CSMD1: variants seen among roughly 807,000 people sequenced by gnomAD.
CSMD1 encodes the protein CUB and sushi domain-containing protein 1.
A neutral mutation model predicts 417.5 loss-of-function variants in CSMD1; 213 were observed. The ratio of observed to expected loss-of-function variants is 0.51; its 90% confidence interval spans 0.46 to 0.57. CSMD1 has a LOEUF of 0.57. Among genes scored for constraint, CSMD1 ranks in the 20% least tolerant of loss-of-function variants. CSMD1 has a pLI of 0.00. For synonymous variants in CSMD1, 2,862 were observed against 1,736.8 expected (o/e 1.65, Z -16.11); for missense variants, 6,923 against 4,529.7 (o/e 1.53, Z -15.17).
chr8:3,904,973 C>G (rs1427800958), intron 5 of CSMD1, among the ~76,000 whole-genome samples: 9 of 152,004 alleles, frequency 5.9e-5, no homozygotes, highest in Non-Finnish European at 1.3e-4. Flanking sequence ...CATTTAAGGT[C>G]AAAGAGGAAG....
intron 1 of CSMD1, among the ~76,000 whole-genome samples, chr8:4,896,296 C>T (rs183172126): frequency 2.0e-5 from 3 of 152,178 alleles, no homozygotes; most frequent in Admixed American, 1.3e-4. Context: ...AATTATGGGT[C>T]TCTTTACATT....
At chr8:4,926,816 A>G (rs1806901393) in intron 1 of CSMD1, among the ~76,000 whole-genome samples, 1 of 152,142 alleles carries the variant, frequency 6.6e-6, no homozygotes, top group South Asian at 2.1e-4. Context: ...TTGTGTTTGA[A>G]TATCTACCTA....
intron 5 of CSMD1, among the ~76,000 whole-genome samples, chr8:3,913,152 G>A (rs764807933): frequency 6.6e-6 from 1 of 152,146 alleles, no homozygotes; most frequent in Non-Finnish European, 1.5e-5. Context: ...AAGTATCCAT[G>A]TTACATCGAC....
intron 1 of CSMD1, among the ~76,000 whole-genome samples, chr8:4,857,487 T>C (rs1017738955): frequency 3.9e-5 from 6 of 152,118 alleles, no homozygotes; most frequent in Admixed American, 6.6e-5. Context: ...AGCTCGTTTT[T>C]TGAAAGGATC....
At chr8:4,698,535 G>T (rs553691142) in intron 1 of CSMD1, among the ~76,000 whole-genome samples, 2 of 151,788 alleles carry the variant, frequency 1.3e-5, no homozygotes, top group African/African-American at 4.8e-5. Context: ...CTACAGGGAA[G>T]TTTATTTTTG....
At chr8:4,466,607 A>C (rs773639479) in intron 2 of CSMD1, among the ~76,000 whole-genome samples, 2 of 152,234 alleles carry the variant, frequency 1.3e-5, no homozygotes, top group South Asian at 4.1e-4. Flanking sequence ...CTAAGAGTTC[A>C]TAAGCCAGTT....
At position 4,181,433 on chromosome 8, in the gene CSMD1, T is replaced by C. The variant is rs80199021; in HGVS notation, c.416-149334A>G. Among the ~76,000 whole-genome samples, 173 of 152,076 alleles carry C rather than the reference T, an allele frequency of 1.1e-3. 1 individual carries two copies. The highest frequency in any genetic ancestry group is 6.8e-3 in the Middle Eastern group (2 of 294). ...AATCTTTTGGCTTCCCTGGGCAACA[T>C]TGGAAAAAGAACTGTCTTGGGTCAC... On this transcript the variant is annotated intron_variant, in intron 3 of 69. Transcript: ENST00000635120.
intron 49 of CSMD1, among the ~76,000 whole-genome samples, chr8:3,053,154 G>T (rs1053935492): frequency 6.6e-6 from 1 of 152,098 alleles, no homozygotes; most frequent in Non-Finnish European, 1.5e-5. Flanking sequence ...GGTTAAATGA[G>T]GAACAATGGA....
At chr8:3,671,260 A>G (rs190285708) in intron 7 of CSMD1, among the ~76,000 whole-genome samples, 103 of 146,624 alleles carry the variant, frequency 7.0e-4, no homozygotes, top group African/African-American at 2.0e-3. Flanking sequence ...ATATATATGT[A>G]TATATATATA....
At chr8:4,711,685 A>T (rs902925744) in intron 1 of CSMD1, among the ~76,000 whole-genome samples, 1 of 151,820 alleles carries the variant, frequency 6.6e-6, no homozygotes, top group East Asian at 1.9e-4. Flanking sequence ...AAAAAAATCC[A>T]TTAAAGTCTT....
intron 28 of CSMD1, among the ~76,000 whole-genome samples, chr8:3,220,721 C>A (rs2116855577): frequency 6.6e-6 from 1 of 152,200 alleles, no homozygotes; most frequent in East Asian, 1.9e-4. Context: ...GTCCCAGCTG[C>A]TCGGGAGGCT....
At chr8:3,920,939 T>C (rs1025808918) in intron 5 of CSMD1, among the ~76,000 whole-genome samples, 2 of 152,154 alleles carry the variant, frequency 1.3e-5, no homozygotes, top group African/African-American at 2.4e-5. Context: ...ATTTCTTTTA[T>C]TGTAATGTAA....
At position 3,627,647 on chromosome 8, in the gene CSMD1, A is replaced by G. The variant is rs530848419; in HGVS notation, c.1010-10850T>C. 1.2e-4 allele frequency among the ~76,000 whole-genome samples: 19 copies of G among 152,320 alleles called. No individual in the cohort carries two copies. In the East Asian group the frequency reaches 3.5e-3, roughly 28 times the overall value. On this transcript the variant is annotated intron_variant, in intron 7 of 69. Transcript: ENST00000635120. ...TTATAGGGAACTATGAGATAATAAT[A>G]AAACAGGAAGGGTGATCACATATGC...
intron 52 of CSMD1, among the ~76,000 whole-genome samples, chr8:3,009,853 T>C (rs1338908775): frequency 6.6e-6 from 1 of 152,092 alleles, no homozygotes; most frequent in Non-Finnish European, 1.5e-5. Flanking sequence ...TTTGATCAGA[T>C]CTCTGCTTCA....
intron 5 of CSMD1, among the ~76,000 whole-genome samples, chr8:3,937,820 G>A (rs963302062): frequency 6.6e-6 from 1 of 151,988 alleles, no homozygotes; most frequent in Non-Finnish European, 1.5e-5. Flanking sequence ...TGCTTACACA[G>A]GAAATTTTAT....
At chr8:4,882,724 T>A (rs180867023) in intron 1 of CSMD1, among the ~76,000 whole-genome samples, 1 of 151,848 alleles carries the variant, frequency 6.6e-6, no homozygotes, top group Non-Finnish European at 1.5e-5. Flanking sequence ...TAAAACACCT[T>A]TATAATATGT....
At chr8:4,983,851 G>C (rs1563930933) in intron 1 of CSMD1, among the ~76,000 whole-genome samples, 1 of 137,072 alleles carries the variant, frequency 7.3e-6, no homozygotes, top group Non-Finnish European at 1.6e-5. Flanking sequence ...GATAGAACTA[G>C]AAGTGGACTC....
intron 5 of CSMD1, among the ~76,000 whole-genome samples, chr8:3,758,771 G>C (rs1156628267): frequency 6.6e-6 from 1 of 152,194 alleles, no homozygotes; most frequent in Non-Finnish European, 1.5e-5. Flanking sequence ...GACTGTCAAT[G>C]TGTCACCTGA....
chr8:4,145,938 C>G (rs1159767386), intron 3 of CSMD1, among the ~76,000 whole-genome samples: 1 of 150,966 alleles, frequency 6.6e-6, no homozygotes, highest in Non-Finnish European at 1.5e-5. Flanking sequence ...GTTTGTAAGA[C>G]TGACCACGCT....
Sources: gnomAD v4.1 joint callset for allele counts (sites outside exome capture counted in the v4.1 genomes callset) on GRCh38, gnomAD v4.1.1 for gene constraint, MANE v1.5 for transcripts, NCBI Gene and HGNC (gene_info 2026-07-23, HGNC 2026-07-21) for gene names.